Variants in ABCA4 observed in about 807,000 individuals in gnomAD.
ABCA4 encodes retinal-specific phospholipid-transporting ATPase ABCA4.
A neutral mutation model predicts 263.7 loss-of-function variants in ABCA4; 196 were observed. The ratio of observed to expected loss-of-function variants is 0.74; its 90% confidence interval spans 0.66 to 0.84. The LOEUF is 0.84. Ranked by LOEUF, ABCA4 falls within the 40% of genes least tolerant of loss-of-function variation. The pLI, the probability that ABCA4 is intolerant of heterozygous loss-of-function variation, is 0.00. For missense variants in ABCA4, 2,792 were observed against 2,855.1 expected, an observed-to-expected ratio of 0.98 and a Z score of 0.50; for synonymous variants, 1,133 against 1,094.2, an observed-to-expected ratio of 1.04 and a Z score of -0.70.
intron 30 of ABCA4, among the ~76,000 whole-genome samples, chr1:94,028,457 C>G (rs1477908904): frequency 6.6e-6 from 1 of 152,216 alleles, no homozygotes; most frequent in Non-Finnish European, 1.5e-5. Context: ...GTGTACATAC[C>G]TGCAGATGTT....
chr1:94,028,943 A>G (rs149652151), intron 30 of ABCA4, among the ~76,000 whole-genome samples: 3 of 151,098 alleles, frequency 2.0e-5, no homozygotes, highest in Admixed American at 6.7e-5. Context: ...AATTCAAACA[A>G]TGGGATAATA....
At chr1:94,031,482 G>A (rs148093803) in intron 27 of ABCA4, among the ~76,000 whole-genome samples, 104 of 152,246 alleles carry the variant, frequency 6.8e-4, no homozygotes, top group African/African-American at 2.2e-3. Flanking sequence ...GATATGTAGG[G>A]TCACTGCAAA....
chr1:94,053,727 C>A lies in ABCA4; in HGVS notation c.2587+1384G>T, dbSNP rs114630877. Among the ~76,000 whole-genome samples the A allele has an allele frequency of 6.0e-3, 916 of 152,368 alleles. 10 individuals carry two copies. Among genetic ancestry groups the A allele is most frequent in the African/African-American group, 0.021 (878 of 41,588 alleles). On this transcript the variant is annotated intron_variant, in intron 16 of 49. Coordinates refer to ENST00000370225, the MANE Select transcript of ABCA4 (RefSeq NM_000350.3). ...CAACACCTTGATTTTGGACTTCCAG[C>A]CTTCAGAGCTGTGAGATATAAATGG...
intron 47 of ABCA4, among the ~76,000 whole-genome samples, chr1:94,000,040 T>A (rs1659131229): frequency 6.6e-6 from 1 of 152,234 alleles, no homozygotes. Context: ...AAGGATGACA[T>A]CTTCTGTGTA....
At chr1:94,083,266 G>C in intron 7 of ABCA4, 86 bp downstream of exon 7, 1 of 1,209,216 alleles carries the variant, frequency 8.3e-7, no homozygotes, top group Non-Finnish European at 1.2e-6. Context: ...GAACAGGTTT[G>C]AAATACAATT....
chr1:94,090,529 ACTAC>A (rs1661942354), intron 6 of ABCA4, among the ~76,000 whole-genome samples: 1 of 152,056 alleles, frequency 6.6e-6, no homozygotes, highest in Admixed American at 6.5e-5. Context: ...CTCATTTCAA[ACTAC>A]CTCACCTTCT....
chr1:94,003,907 C>T (rs939831393), intron 44 of ABCA4, among the ~76,000 whole-genome samples: 5 of 151,056 alleles, frequency 3.3e-5, no homozygotes, highest in South Asian at 2.1e-4. Flanking sequence ...CAAAGTGCTG[C>T]GATTACAGGT....
At chr1:94,090,561 C>T (rs771594672) in intron 6 of ABCA4, among the ~76,000 whole-genome samples, 19 of 152,148 alleles carry the variant, frequency 1.2e-4, no homozygotes, top group Non-Finnish European at 2.5e-4. Flanking sequence ...GCCTTCTTCC[C>T]CCATCACCAT....
chr1:94,050,676 A>G (rs1430715432), intron 17 of ABCA4, among the ~76,000 whole-genome samples: 1 of 151,854 alleles, frequency 6.6e-6, no homozygotes, highest in Non-Finnish European at 1.5e-5. Context: ...TTATTATAGT[A>G]AAAAATTAAC....
At chr1:94,069,345 A>C (rs1661349899) in intron 11 of ABCA4, among the ~76,000 whole-genome samples, 1 of 152,222 alleles carries the variant, frequency 6.6e-6, no homozygotes, top group Admixed American at 6.5e-5. Context: ...CCTTTTGTTT[A>C]AACTTGATGA....
chr1:94,094,632 C>T (rs886279861), intron 6 of ABCA4, among the ~76,000 whole-genome samples: 9 of 152,136 alleles, frequency 5.9e-5, no homozygotes, highest in African/African-American at 2.2e-4. Context: ...TCTTGGCACC[C>T]GCCTCGGTTC....
intron 48 of ABCA4, 106 bp downstream of exon 48, chr1:93,997,752 TTTG>T: frequency 7.0e-7 from 1 of 1,424,222 alleles, no homozygotes; most frequent in Non-Finnish European, 9.7e-7. Flanking sequence ...AGGGCAAGAG[TTTG>T]TTAAAAATCG....
At chr1:94,066,730 G>T (rs1253621103) in intron 11 of ABCA4, among the ~76,000 whole-genome samples, 1 of 152,210 alleles carries the variant, frequency 6.6e-6, no homozygotes, top group Non-Finnish European at 1.5e-5. Flanking sequence ...TTGCTCTGAG[G>T]ATAAGCCACA....
At chr1:94,042,109 A>G (rs1660505620) in intron 22 of ABCA4, among the ~76,000 whole-genome samples, 1 of 151,596 alleles carries the variant, frequency 6.6e-6, no homozygotes, top group African/African-American at 2.4e-5. Flanking sequence ...AAAAAAAAAA[A>G]AAAAAAAAAA....
chr1:94,015,994 T>C (rs1659727319), intron 36 of ABCA4, 140 bp from the exon 37 acceptor site: 3 of 770,102 alleles, frequency 3.9e-6, no homozygotes, highest in Non-Finnish European at 6.7e-6. Flanking sequence ...CAGTTCTTGG[T>C]TGGCAAACAT....
intron 6 of ABCA4, among the ~76,000 whole-genome samples, chr1:94,092,226 G>T (rs761806604): frequency 9.9e-5 from 15 of 152,206 alleles, no homozygotes; most frequent in Non-Finnish European, 2.1e-4. Flanking sequence ...GGCTATGGAA[G>T]GTTCTGAAGG....
Position 94,043,310 on chromosome 1 carries a change from C to T in ABCA4, c.3190+26G>A, listed in dbSNP as rs756128667. The T allele has an allele frequency of 2.5e-6, 4 of 1,613,708 alleles. No homozygotes were observed. In the Admixed American group the frequency reaches 5.0e-5, roughly 20 times the overall value. ...GGAGCCATGGATTTGCCATCTGTGG[C>T]CCTGTCTCCATCCAGCTCTGAGCAC... On this transcript the variant is annotated intron_variant, in intron 21 of 49. Transcript: ENST00000370225.
Position 94,007,621 on chromosome 1 carries a change from G to A in ABCA4, c.6005+13C>T. 8 of 1,602,182 alleles carry A rather than the reference G, an allele frequency of 5.0e-6. No individual in the cohort carries two copies. Among genetic ancestry groups the A allele is most frequent in the Non-Finnish European group, 6.0e-6 (7 of 1,169,256 alleles). ...TGAGAGACTCCCTGAGACAGGAGGA[G>A]CAGGATACTCACCTCTTGCCTGCTA... On this transcript the variant is annotated intron_variant, in intron 43 of 49. Transcript: ENST00000370225.
In ABCA4 at chr1:94,048,929, C is replaced by T; in HGVS notation, c.2682G>A (p.Leu894=). The change falls in exon 18 of 50, where the codon CTG becomes CTA. Residue 894 remains leucine (L), a synonymous_variant. Transcript: ENST00000370225. ...CCTCTGTTAGGGGCTCGGTCTTTTC[C>T]AGGGCTCTTTCTTCTCTGGTTGAAC... is the stretch of plus-strand genomic sequence containing the variant. ...EGCSTREERA[L]EKTEPLTEET... The T allele has an allele frequency of 1.9e-6, 3 of 1,614,066 alleles. No homozygotes were observed. The highest frequency in any genetic ancestry group is 2.5e-6 in the Non-Finnish European group (3 of 1,180,032).
Sources: gnomAD v4.1 joint callset for allele counts (sites outside exome capture counted in the v4.1 genomes callset) on GRCh38, gnomAD v4.1.1 for gene constraint, MANE v1.5 for transcripts, NCBI Gene and HGNC (gene_info 2026-07-23, HGNC 2026-07-21) for gene names.